The following DENND5B variants were observed in gnomAD, a reference collection of about 807,000 sequenced individuals.
DENND5B encodes the protein DENN domain containing 5B, also known as DENN domain-containing protein 5B.
In DENND5B, 34 loss-of-function variants were observed where a neutral mutation model predicts 140.6. The observed-to-expected ratio is 0.24, with a 90% CI of 0.18 to 0.32. DENND5B has a LOEUF of 0.32. Ranked by LOEUF, DENND5B falls within the 10% of genes least tolerant of loss-of-function variation. The pLI, the probability that DENND5B is intolerant of heterozygous loss-of-function variation, is 1.00. For missense variants in DENND5B, 1,142 were observed against 1,560.2 expected, an observed-to-expected ratio of 0.73 and a Z score of 4.52; for synonymous variants, 551 against 562.1, an observed-to-expected ratio of 0.98 and a Z score of 0.28.
intron 1 of DENND5B, among the ~76,000 whole-genome samples, chr12:31,549,905 A>AGTG (rs1434594218): frequency 6.6e-6 from 1 of 152,130 alleles, no homozygotes; most frequent in Non-Finnish European, 1.5e-5. Context: ...TACTGCAGAT[A>AGTG]GTGCTTCAAT....
intron 11 of DENND5B, chr12:31,419,973 C>CAG (rs1565561269): frequency 8.8e-3 from 2,960 of 337,980 alleles, no homozygotes; most frequent in Non-Finnish European, 9.5e-3. Context: ...AACTCCATCT[C>CAG]AGAAAAAAAA....
intron 15 of DENND5B, among the ~76,000 whole-genome samples, chr12:31,400,934 C>A (rs1941763475): frequency 6.6e-6 from 1 of 151,902 alleles, no homozygotes; most frequent in Admixed American, 6.6e-5. Context: ...CCTCCGCCTC[C>A]CGGATTCAAG....
chr12:31,575,639 G>A (rs1005860354), intron 1 of DENND5B, among the ~76,000 whole-genome samples: 2 of 152,130 alleles, frequency 1.3e-5, no homozygotes, highest in African/African-American at 4.8e-5. Context: ...TACTAAACCC[G>A]AAAAGATGTG....
At chr12:31,440,554 T>C (rs1454079332) in intron 7 of DENND5B, among the ~76,000 whole-genome samples, 1 of 152,222 alleles carries the variant, frequency 6.6e-6, no homozygotes, top group Non-Finnish European at 1.5e-5. Context: ...GAGGAGAAAA[T>C]TTCATTCTGA....
intron 2 of DENND5B, among the ~76,000 whole-genome samples, chr12:31,489,757 T>C (rs1033621321): frequency 2.2e-4 from 7 of 31,214 alleles, no homozygotes; most frequent in African/African-American, 9.4e-4. Flanking sequence ...CAAAAAGGTA[T>C]ACAAGGTACT....
At chr12:31,577,309 T>C (rs1271599263) in intron 1 of DENND5B, among the ~76,000 whole-genome samples, 1 of 152,176 alleles carries the variant, frequency 6.6e-6, no homozygotes, top group Non-Finnish European at 1.5e-5. Context: ...GAAACCTGGA[T>C]TCTCCAGGCA....
At chr12:31,388,151 T>C (rs1457155077) in intron 20 of DENND5B, among the ~76,000 whole-genome samples, 1 of 150,096 alleles carries the variant, frequency 6.7e-6, no homozygotes, top group Non-Finnish European at 1.5e-5. Context: ...TTAATAGGAG[T>C]GTTACTCTGT....
intron 3 of DENND5B, among the ~76,000 whole-genome samples, chr12:31,472,105 T>C (rs11051442): frequency 0.026 from 3,944 of 152,294 alleles, 71 homozygotes; most frequent in Non-Finnish European, 0.042. Flanking sequence ...GGGCACTCCA[T>C]GTAACTTTAC....
chr12:31,588,025 T>C (rs1352947926), intron 1 of DENND5B, among the ~76,000 whole-genome samples: 1 of 152,192 alleles, frequency 6.6e-6, no homozygotes, highest in Non-Finnish European at 1.5e-5. Context: ...GCCTAAAAAC[T>C]GCATGAGGCC....
Position 31,443,890 on chromosome 12 carries a change from C to A in DENND5B, c.1862-965G>T, listed in dbSNP as rs1286290574. On this transcript the variant is annotated intron_variant, in intron 6 of 20. Transcript: ENST00000389082. Reference sequence around the variant, plus strand: ...AAATGTCCAGAGGATAAGAAACTGGCCTTTTGAAGAATAAAATAGGTGAAT... The same window carrying A: ...AAATGTCCAGAGGATAAGAAACTGGACTTTTGAAGAATAAAATAGGTGAAT... 4.6e-5 allele frequency: 7 copies of A among 152,136 alleles called. No individual in the cohort carries two copies. The East Asian group carries it at 1.4e-3, about 29-fold the overall frequency. 9.4% of individuals were successfully genotyped at this position (152,136 alleles called of 1,614,324 possible). A position where few individuals can be genotyped will look rare whatever the true frequency, so the allele number is the denominator to read the frequency against.
intron 1 of DENND5B, among the ~76,000 whole-genome samples, chr12:31,517,008 A>C (rs1947682201): frequency 8.1e-6 from 1 of 123,150 alleles, no homozygotes; most frequent in Non-Finnish European, 1.7e-5. Flanking sequence ...CTGTGTGTAG[A>C]TACCTTCCCT....
chr12:31,493,311 A>G (rs1336980990), intron 2 of DENND5B, among the ~76,000 whole-genome samples: 1 of 152,266 alleles, frequency 6.6e-6, no homozygotes, highest in East Asian at 1.9e-4. Context: ...TAACATACAT[A>G]AAGTACTCTA....
chr12:31,393,287 T>C (rs749895016), intron 17 of DENND5B, among the ~76,000 whole-genome samples: 5 of 152,144 alleles, frequency 3.3e-5, no homozygotes, highest in Non-Finnish European at 7.3e-5. Context: ...AACCTGGAGT[T>C]TGAAGATTTG....
intron 1 of DENND5B, among the ~76,000 whole-genome samples, chr12:31,508,229 G>C (rs1333132860): frequency 5.9e-5 from 9 of 152,074 alleles, no homozygotes. Flanking sequence ...TTTGGTCAGA[G>C]GTAAAGTAGA....
intron 1 of DENND5B, among the ~76,000 whole-genome samples, chr12:31,554,208 T>C (rs1010017754): frequency 2.6e-4 from 40 of 152,304 alleles, no homozygotes; most frequent in Admixed American, 1.8e-3. Context: ...GTACCGGTTG[T>C]TCCTTTCCAT....
chr12:31,496,718 T>TA (rs894961229), intron 1 of DENND5B, among the ~76,000 whole-genome samples: 2 of 149,762 alleles, frequency 1.3e-5, no homozygotes, highest in African/African-American at 5.1e-5. Flanking sequence ...ATTTTTTTTT[T>TA]AATAAATTTT....
At chr12:31,408,860 T>G (rs907528919) in intron 14 of DENND5B, among the ~76,000 whole-genome samples, 2 of 152,190 alleles carry the variant, frequency 1.3e-5, no homozygotes, top group Admixed American at 6.5e-5. Flanking sequence ...GAAATTAGCA[T>G]GGACAATGCT....
intron 19 of DENND5B, 132 bp from the exon 20 acceptor site, chr12:31,389,630 C>T (rs1027515782): frequency 1.1e-4 from 89 of 793,092 alleles, no homozygotes; most frequent in Non-Finnish European, 9.4e-5. Context: ...AATATCATTA[C>T]TTTATCATTG....
chr12:31,446,139 G>C (rs543049702), intron 6 of DENND5B, among the ~76,000 whole-genome samples: 1 of 152,046 alleles, frequency 6.6e-6, no homozygotes, highest in Admixed American at 6.6e-5. Context: ...CTAAGACTCA[G>C]ATTTAACTGC....
Sources: gnomAD v4.1 joint callset for allele counts (sites outside exome capture counted in the v4.1 genomes callset) on GRCh38, gnomAD v4.1.1 for gene constraint, MANE v1.5 for transcripts, NCBI Gene and HGNC (gene_info 2026-07-23, HGNC 2026-07-21) for gene names.